LHX4: variants seen among roughly 807,000 people sequenced by gnomAD.
LHX4 encodes LIM homeobox 4.
Under a neutral mutation model 39.2 loss-of-function variants are expected in LHX4, and 16 were observed. The observed-to-expected ratio is 0.41, with a 90% CI of 0.28 to 0.62. The LOEUF is 0.62. Among genes scored for constraint, LHX4 ranks in the 20% least tolerant of loss-of-function variants. LHX4 has a pLI of 0.33. For synonymous variants in LHX4, 206 were observed against 198.1 expected (o/e 1.04, Z -0.33); for missense variants, 439 against 511.9 (o/e 0.86, Z 1.37).
At chr1:180,256,153 G>A (rs1369417003) in intron 2 of LHX4, among the ~76,000 whole-genome samples, 1 of 152,196 alleles carries the variant, frequency 6.6e-6, no homozygotes, top group Non-Finnish European at 1.5e-5. Flanking sequence ...TTGTCTTTGG[G>A]CCTCTGCACC....
At chr1:180,272,082 G>T in intron 5 of LHX4, 76 bp downstream of exon 5, 2 of 1,405,238 alleles carry the variant, frequency 1.4e-6, no homozygotes, top group South Asian at 2.8e-5. Flanking sequence ...GCACTCAGGA[G>T]GGATCTTTCT....
chr1:180,253,467 A>C (rs1647715314), intron 2 of LHX4, among the ~76,000 whole-genome samples: 2 of 152,252 alleles, frequency 1.3e-5, no homozygotes, highest in South Asian at 4.1e-4. Flanking sequence ...TGTCCTCTTC[A>C]CAGTGCCTGT....
intron 2 of LHX4, among the ~76,000 whole-genome samples, chr1:180,264,584 A>G (rs372214297): frequency 4.6e-5 from 7 of 152,160 alleles, no homozygotes; most frequent in Non-Finnish European, 1.0e-4. Flanking sequence ...CACATCCTCT[A>G]CAAGTATGGT....
At chr1:180,252,823 T>C (rs1409208226) in intron 2 of LHX4, among the ~76,000 whole-genome samples, 1 of 152,054 alleles carries the variant, frequency 6.6e-6, no homozygotes, top group Non-Finnish European at 1.5e-5. Context: ...CAGGGGGCGA[T>C]GTTGGTGTGG....
At chr1:180,257,638 G>T (rs187986318) in intron 2 of LHX4, among the ~76,000 whole-genome samples, 135 of 152,376 alleles carry the variant, frequency 8.9e-4, no homozygotes, top group Non-Finnish European at 1.8e-3. Context: ...CCTGTCAAGT[G>T]TGGTGATAGA....
In LHX4 at chr1:180,267,925, T is replaced by C. The variant is rs183546205; in HGVS notation, c.451+1331T>C. 2.6e-5 allele frequency among the ~76,000 whole-genome samples: 4 copies of C among 152,270 alleles called. No individual in the cohort carries two copies. The East Asian group carries it at 7.7e-4, about 29-fold the overall frequency. On this transcript the variant is annotated intron_variant, in intron 3 of 5. Transcript: ENST00000263726. ...TGGAGCTGGGTTTGGCTTTGGTCCA[T>C]GGCAGGAGTGGGCAGGGCTTCCTGT...
intron 2 of LHX4, among the ~76,000 whole-genome samples, chr1:180,261,029 T>TGGGA (rs1045161342): frequency 1.4e-4 from 21 of 151,960 alleles, no homozygotes; most frequent in Middle Eastern, 6.8e-3. Context: ...CGACAGCAAG[T>TGGGA]GGGATGTAAA....
chr1:180,229,672 C>T (rs1039011407), upstream of LHX4, among the ~76,000 whole-genome samples: 1 of 151,520 alleles, frequency 6.6e-6, no homozygotes, highest in Non-Finnish European at 1.5e-5. Flanking sequence ...CTCCGTCCGG[C>T]GGAGCGAAGC....
intron 1 of LHX4, among the ~76,000 whole-genome samples, chr1:180,236,070 G>A (rs779600062): frequency 9.2e-5 from 14 of 152,124 alleles, no homozygotes; most frequent in Non-Finnish European, 1.8e-4. Flanking sequence ...AAAAACAAAG[G>A]GGGGTTAAGG....
rs1373918979 is a variant in LHX4, at chr1:180,274,779, C to CTCA, written c.*203_*205dup. The CTCA allele has an allele frequency of 6.4e-6, 4 of 622,680 alleles. No homozygotes were observed. The highest frequency in any genetic ancestry group is 4.4e-5 in the South Asian group (2 of 45,622). The allele number at this position is 622,680 out of a possible 1,614,324, so 38.6% of individuals were successfully genotyped here. ...CCTGGGGAAGCAGTGGGAGAGCAGA[C>CTCA]TCATCTCAGAACACAGCACAGGGGG... is the stretch of plus-strand genomic sequence containing the variant. On this transcript the variant is annotated 3_prime_UTR_variant, in exon 6 of 6. Transcript: ENST00000263726.
At chr1:180,244,767 A>C (rs930528350) in intron 1 of LHX4, among the ~76,000 whole-genome samples, 1 of 152,186 alleles carries the variant, frequency 6.6e-6, no homozygotes, top group African/African-American at 2.4e-5. Flanking sequence ...CCTGCATGCC[A>C]AGGGCCAGAG....
In LHX4 at chr1:180,266,285, A is replaced by G; in HGVS notation, c.249-107A>G. 1 of 1,057,254 alleles carries G rather than the reference A, an allele frequency of 9.5e-7. No homozygotes were observed. Among genetic ancestry groups the G allele is most frequent in the Non-Finnish European group, 1.5e-6 (1 of 685,706 alleles). The allele number at this position is 1,057,254 out of a possible 1,614,324, so 65.5% of individuals were successfully genotyped here. A position where few individuals can be genotyped will look rare whatever the true frequency, so the allele number is the denominator to read the frequency against. On this transcript the variant is annotated intron_variant, in intron 2 of 5. Transcript: ENST00000263726. The surrounding 1 kb of genome is among the most constrained non-coding windows in gnomAD (Gnocchi z 5.7). The stretch of plus-strand genomic sequence containing the variant: ...TCTGGGTGACTGGGGGGTGAGGCTC[A>G]TGGAGTCCCGGAGTGGTGGGGTAGG...
intron 3 of LHX4, among the ~76,000 whole-genome samples, chr1:180,269,108 T>G (rs357046): frequency 0.047 from 6,896 of 147,406 alleles, 559 homozygotes; most frequent in African/African-American, 0.16. Context: ...ATTTTAAGAC[T>G]AATTTTCCTG....
chr1:180,247,508 T>C (rs1436833048), intron 1 of LHX4, among the ~76,000 whole-genome samples: 1 of 152,202 alleles, frequency 6.6e-6, no homozygotes, highest in Non-Finnish European at 1.5e-5. Context: ...ACCAGCACAA[T>C]GGGAGCCTGC....
rs1649198343 is a variant in LHX4, at chr1:180,278,799, A to G, written c.*4220A>G. The G allele has an allele frequency of 6.8e-6, 1 of 147,348 alleles. No individual in the cohort carries two copies. Among genetic ancestry groups the G allele is most frequent in the African/African-American group, 2.4e-5 (1 of 40,900 alleles). 9.1% of individuals were successfully genotyped at this position (147,348 alleles called of 1,614,324 possible). A position where few individuals can be genotyped will look rare whatever the true frequency, so the allele number is the denominator to read the frequency against. ...ATGTAAATTTTGTACAGTTAAAGAG[A>G]AATGAAGTCTCGTTTCCTGGGGAAA... On this transcript the variant is annotated 3_prime_UTR_variant, in exon 6 of 6. Coordinates refer to ENST00000263726, the MANE Select transcript of LHX4 (RefSeq NM_033343.4).
chr1:180,249,803 G>A (rs1028060645), intron 2 of LHX4, among the ~76,000 whole-genome samples: 2 of 152,192 alleles, frequency 1.3e-5, no homozygotes, highest in South Asian at 2.1e-4. Context: ...CTGCCTCCCC[G>A]CCTGTGTGCA....
intron 2 of LHX4, among the ~76,000 whole-genome samples, chr1:180,250,861 C>T (rs1647601809): frequency 6.6e-6 from 1 of 152,196 alleles, no homozygotes; most frequent in Non-Finnish European, 1.5e-5. Flanking sequence ...CCAGGAAGCG[C>T]CCACAGTGTG....
intron 1 of LHX4, among the ~76,000 whole-genome samples, chr1:180,246,943 G>A (rs923784137): frequency 6.6e-6 from 1 of 152,224 alleles, no homozygotes. Context: ...ACGAGCAAAG[G>A]TGTCTTTTAT....
At chr1:180,233,486 G>C (rs936331566) in intron 1 of LHX4, among the ~76,000 whole-genome samples, 1 of 152,244 alleles carries the variant, frequency 6.6e-6, no homozygotes, top group East Asian at 1.9e-4. Flanking sequence ...CCGGGGCCGT[G>C]TTGGGTACGG....
Sources: gnomAD v4.1 joint callset for allele counts (sites outside exome capture counted in the v4.1 genomes callset) on GRCh38, gnomAD v4.1.1 for gene constraint, Gnocchi (gnomAD v3.1) non-coding constraint, MANE v1.5 for transcripts, NCBI Gene and HGNC (gene_info 2026-07-23, HGNC 2026-07-21) for gene names.